Variants in ASIP observed in about 807,000 individuals in gnomAD.
The protein encoded by ASIP is agouti signaling protein, also known as agouti-signaling protein.
In ASIP, 11 loss-of-function variants were observed where a neutral mutation model predicts 10.3. That is an observed-to-expected ratio of 1.07 (90% CI 0.68 to 1.78). The LOEUF is 1.78. Ranked by LOEUF, ASIP falls within the 40% of genes most tolerant of loss-of-function variation. ASIP has a pLI of 0.00. For synonymous variants in ASIP, 70 were observed against 70.8 expected, an observed-to-expected ratio of 0.99 and a Z score of 0.06; for missense variants, 180 against 169.2, an observed-to-expected ratio of 1.06 and a Z score of -0.35.
chr20:34,236,545 C>CA (rs201898441), upstream of ASIP, among the ~76,000 whole-genome samples: 3,976 of 137,000 alleles, frequency 0.029, 82 homozygotes, highest in Non-Finnish European at 0.046. Flanking sequence ...AACTCTGTCT[C>CA]AAAAAAAAAA....
intron 1 of ASIP, among the ~76,000 whole-genome samples, chr20:34,221,228 A>C (rs2035045249): frequency 6.6e-6 from 1 of 151,778 alleles, no homozygotes; most frequent in African/African-American, 2.4e-5. Context: ...AATACAGAAA[A>C]TTAGCCGGGT....
intron 1 of ASIP, among the ~76,000 whole-genome samples, chr20:34,245,530 G>A (rs2035359095): frequency 6.6e-6 from 1 of 151,500 alleles, no homozygotes; most frequent in African/African-American, 2.4e-5. Context: ...TGGGACTACA[G>A]GTGTGCGCCA....
upstream of ASIP, among the ~76,000 whole-genome samples, chr20:34,194,033 G>A (rs779827849): frequency 1.3e-5 from 2 of 152,142 alleles, no homozygotes; most frequent in Non-Finnish European, 2.9e-5. Context: ...ATATCCCCAA[G>A]CTGCAGCCAC....
At chr20:34,214,198 T>G in intron 1 of ASIP, 1 of 1,300,574 alleles carries the variant, frequency 7.7e-7, no homozygotes, top group Non-Finnish European at 1.1e-6. Flanking sequence ...ATTTGCTTAT[T>G]GAGAGATTTG....
chr20:34,189,377 G>A, the ASIP span, among the ~76,000 whole-genome samples: 1 of 152,010 alleles, frequency 6.6e-6, no homozygotes, highest in Non-Finnish European at 1.5e-5. Flanking sequence ...TGAGTAGCTG[G>A]GATTATAGGC....
chr20:34,193,791 C>T (rs986362005), upstream of ASIP, among the ~76,000 whole-genome samples: 6 of 152,184 alleles, frequency 3.9e-5, no homozygotes, highest in Admixed American at 3.9e-4. Flanking sequence ...ATCAGTCCAA[C>T]AAATAGCCAA....
chr20:34,249,126 C>T (rs949447444), intron 1 of ASIP, among the ~76,000 whole-genome samples: 2 of 151,214 alleles, frequency 1.3e-5, no homozygotes, highest in Admixed American at 6.6e-5. Context: ...GAGACCCTGT[C>T]TCGAAAAAAA....
chr20:34,209,611 G>T lies in ASIP; in HGVS notation c.-11+14851G>T, dbSNP rs1386238568. On this transcript the variant is annotated intron_variant, in intron 1 of 3. Transcript: ENST00000568305. Reference sequence around the variant, plus strand: ...CCACTCCAATCTTGGAGTAAGGTTGGGGCTGGGCCCAGGCACTGTCACAAC... The same window carrying T: ...CCACTCCAATCTTGGAGTAAGGTTGTGGCTGGGCCCAGGCACTGTCACAAC... Among the ~76,000 whole-genome samples the T allele has an allele frequency of 2.6e-5, 4 of 152,232 alleles. No homozygotes were observed. In the East Asian group the frequency reaches 7.7e-4, roughly 29 times the overall value.
intron 2 of ASIP, 75 bp from the exon 3 acceptor site, chr20:34,262,756 CT>C: frequency 6.5e-7 from 1 of 1,546,040 alleles, no homozygotes; most frequent in Non-Finnish European, 8.9e-7. Flanking sequence ...CCCAAGCCCC[CT>C]CTGCCCCTCT....
At chr20:34,193,902 G>C (rs1341547196), upstream of ASIP, among the ~76,000 whole-genome samples, 3 of 152,198 alleles carry the variant, frequency 2.0e-5, no homozygotes, top group Admixed American at 2.0e-4. Flanking sequence ...GGACAGCTTT[G>C]TTGTGCCATG....
At chr20:34,237,583 A>C (rs2035227022), upstream of ASIP, among the ~76,000 whole-genome samples, 1 of 152,246 alleles carries the variant, frequency 6.6e-6, no homozygotes, top group African/African-American at 2.4e-5. Context: ...ATTTAAGATC[A>C]TATTATCTGT....
At chr20:34,263,439 C>T (rs931660248) in intron 3 of ASIP, among the ~76,000 whole-genome samples, 1 of 151,964 alleles carries the variant, frequency 6.6e-6, no homozygotes. Flanking sequence ...GTGGTGGGCG[C>T]CTGTAATCCC....
intron 1 of ASIP, among the ~76,000 whole-genome samples, chr20:34,255,145 T>C (rs563723531): frequency 3.2e-4 from 49 of 152,190 alleles, no homozygotes; most frequent in Non-Finnish European, 5.1e-4. Context: ...GAGCAAGTGA[T>C]CACTGTGGAC....
intron 1 of ASIP, chr20:34,214,593 G>A: frequency 7.5e-7 from 1 of 1,332,966 alleles, no homozygotes; most frequent in Non-Finnish European, 1.1e-6. Flanking sequence ...TGCGAACAGA[G>A]GCCAGTAGTA....
intron 1 of ASIP, among the ~76,000 whole-genome samples, chr20:34,254,064 T>C (rs952685218): frequency 7.2e-5 from 11 of 151,928 alleles, no homozygotes; most frequent in African/African-American, 1.5e-4. Context: ...TGTTTTGTTT[T>C]GTTTCGTTTT....
intron 1 of ASIP, among the ~76,000 whole-genome samples, chr20:34,235,582 G>A (rs533677208): frequency 6.6e-6 from 1 of 151,998 alleles, no homozygotes; most frequent in Non-Finnish European, 1.5e-5. Flanking sequence ...TTCTTAGCAC[G>A]ATAACAATCA....
At chr20:34,190,725 T>C (rs558895029), upstream of ASIP, among the ~76,000 whole-genome samples, 34 of 152,322 alleles carry the variant, frequency 2.2e-4, no homozygotes, top group African/African-American at 7.9e-4. Context: ...ACACATCCCA[T>C]GCAGTCTTTT....
chr20:34,266,956 A>G (rs1282170394), intron 3 of ASIP, among the ~76,000 whole-genome samples: 2 of 152,136 alleles, frequency 1.3e-5, no homozygotes, highest in African/African-American at 4.8e-5. Context: ...CTGTAACCAA[A>G]GCAAGGAGCA....
At chr20:34,258,674 C>CATATATATATATATATACATACTATAT (rs1418633651) in intron 1 of ASIP, among the ~76,000 whole-genome samples, 1 of 12,146 alleles carries the variant, frequency 8.2e-5, no homozygotes, top group Middle Eastern at 0.071. Context: ...AGGGGGATGC[C>CATATATATATATATATACATACTATAT]ATATATATAT....
Sources: gnomAD v4.1 joint callset for allele counts (sites outside exome capture counted in the v4.1 genomes callset) on GRCh38, gnomAD v4.1.1 for gene constraint, MANE v1.5 for transcripts, NCBI Gene and HGNC (gene_info 2026-07-23, HGNC 2026-07-21) for gene names.